Variants in MFSD11 observed in about 807,000 individuals in gnomAD.
The protein encoded by MFSD11 is UNC93-like protein MFSD11.
Under a neutral mutation model 53.5 loss-of-function variants are expected in MFSD11, and 36 were observed. The ratio of observed to expected loss-of-function variants is 0.67; its 90% CI spans 0.52 to 0.89. The LOEUF is 0.89. Ranked by LOEUF, MFSD11 falls within the 40% of genes least tolerant of loss-of-function variation. The pLI, the probability that MFSD11 is intolerant of heterozygous loss-of-function variation, is 0.00. For synonymous variants in MFSD11, 186 were observed against 184.9 expected (o/e 1.01, Z -0.05); for missense variants, 530 against 543.9 (o/e 0.97, Z 0.25).
chr17:76,758,848 C>T (rs542890582), intron 8 of MFSD11, among the ~76,000 whole-genome samples: 6 of 152,212 alleles, frequency 3.9e-5, no homozygotes, highest in African/African-American at 1.4e-4. Context: ...ACCCCTACCC[C>T]CCACACACAG....
chr17:76,749,398 G>A (rs370825425), intron 7 of MFSD11, among the ~76,000 whole-genome samples: 40 of 152,040 alleles, frequency 2.6e-4, no homozygotes, highest in African/African-American at 8.2e-4. Flanking sequence ...GCATGGTGGC[G>A]CATGTCTGTG....
At chr17:76,791,366 T>C in the MFSD11 span, among the ~76,000 whole-genome samples, 2 of 149,510 alleles carry the variant, frequency 1.3e-5, no homozygotes, top group Admixed American at 1.3e-4. Context: ...TTTCCAATTC[T>C]TCAGTCTTTT....
chr17:76,775,117 A>G lies in MFSD11; in HGVS notation c.995A>G (p.Asp332Gly). Residue 332 changes from aspartate (D) to glycine (G), a missense_variant, in exon 11 of 13, where the codon GAT becomes GGT. Coordinates refer to ENST00000685175, the MANE Select transcript of MFSD11 (RefSeq NM_001242532.5). ...CTAATATTTCTCAACATGCCTGGAG[A>G]TGCCCCGATTGCTCCTGTTAAAGGA... ...FYLIFLNMPGDAPIAPVKGTD... is the reference protein window; with the variant it reads ...FYLIFLNMPGGAPIAPVKGTD... 3.1e-6 allele frequency: 5 copies of G among 1,614,058 alleles called. 1 individual carries two copies. In the South Asian group the frequency reaches 5.5e-5, roughly 18 times the overall value.
At chr17:76,795,288 C>T in the MFSD11 span, among the ~76,000 whole-genome samples, 1 of 146,230 alleles carries the variant, frequency 6.8e-6, no homozygotes, top group South Asian at 2.2e-4. Flanking sequence ...TCGAGACCAG[C>T]CTGGCCAACA....
the MFSD11 span, among the ~76,000 whole-genome samples, chr17:76,788,022 G>GTT: frequency 2.9e-3 from 421 of 144,204 alleles, 13 homozygotes; most frequent in African/African-American, 9.6e-3. Context: ...TTTGTTTGTG[G>GTT]TTTTTTTTTT....
chr17:76,751,924 C>T (rs1156270356), intron 7 of MFSD11, among the ~76,000 whole-genome samples: 3 of 152,176 alleles, frequency 2.0e-5, no homozygotes, highest in East Asian at 1.9e-4. Context: ...AGCCAGGCCT[C>T]TGACTCCAAA....
chr17:76,754,581 G>T (rs530320370), intron 8 of MFSD11, among the ~76,000 whole-genome samples: 2 of 151,770 alleles, frequency 1.3e-5, no homozygotes, highest in South Asian at 4.2e-4. Flanking sequence ...CTACTCAGGA[G>T]GCTGAGGCAG....
At chr17:76,751,562 T>C (rs1397960674) in intron 7 of MFSD11, among the ~76,000 whole-genome samples, 1 of 151,522 alleles carries the variant, frequency 6.6e-6, no homozygotes, top group African/African-American at 2.4e-5. Context: ...TCTACAGGCA[T>C]GGTGGTGCAT....
chr17:76,797,126 A>G, the MFSD11 span, among the ~76,000 whole-genome samples: 1 of 152,144 alleles, frequency 6.6e-6, no homozygotes, highest in African/African-American at 2.4e-5. Flanking sequence ...CTGAGATCGC[A>G]CCACTGTACT....
At chr17:76,781,954 T>G (rs528405832), downstream of MFSD11, among the ~76,000 whole-genome samples, 16 of 151,512 alleles carry the variant, frequency 1.1e-4, no homozygotes, top group Non-Finnish European at 2.1e-4. Flanking sequence ...CCCAAGTAGC[T>G]AGGACCACAG....
the MFSD11 span, among the ~76,000 whole-genome samples, chr17:76,789,631 T>A: frequency 6.7e-6 from 1 of 149,966 alleles, no homozygotes; most frequent in Admixed American, 6.7e-5. Context: ...CGACACAGTT[T>A]AACAACTGCC....
intron 2 of MFSD11, among the ~76,000 whole-genome samples, chr17:76,739,317 G>GT (rs2077819729): frequency 6.6e-6 from 1 of 152,172 alleles, no homozygotes; most frequent in African/African-American, 2.4e-5. Flanking sequence ...AAGCACTCTA[G>GT]TATTGTCATG....
chr17:76,762,541 CCTGTA>C (rs1344225167), intron 8 of MFSD11, among the ~76,000 whole-genome samples: 1 of 151,720 alleles, frequency 6.6e-6, no homozygotes, highest in African/African-American at 2.4e-5. Context: ...GTGGCGGGCA[CCTGTA>C]GTCCCAGGCT....
At chr17:76,746,464 C>T (rs1246722596) in intron 7 of MFSD11, among the ~76,000 whole-genome samples, 2 of 152,116 alleles carry the variant, frequency 1.3e-5, no homozygotes, top group African/African-American at 4.8e-5. Context: ...CAATGTAGAC[C>T]AAACAGTCTT....
At chr17:76,742,923 G>C (rs1356243011) in intron 5 of MFSD11, among the ~76,000 whole-genome samples, 1 of 152,190 alleles carries the variant, frequency 6.6e-6, no homozygotes, top group South Asian at 2.1e-4. Context: ...CCTTGACAAG[G>C]CTTAACAAAT....
intron 7 of MFSD11, chr17:76,748,155 G>A (rs1431467966): frequency 6.6e-6 from 1 of 152,390 alleles, no homozygotes; most frequent in Admixed American, 6.5e-5. Flanking sequence ...AGACATGAAG[G>A]TCAGCGGGTG....
chr17:76,738,478 A>C (rs1357180777), intron 1 of MFSD11, 30 bp downstream of exon 1: 1 of 1,503,854 alleles, frequency 6.6e-7, no homozygotes, highest in East Asian at 2.3e-5. Context: ...CCCTCCTTTG[A>C]AGTGCCCATC....
At chr17:76,737,393 C>A, upstream of MFSD11, 1 of 494,498 alleles carries the variant, frequency 2.0e-6, no homozygotes, top group Non-Finnish European at 3.5e-6. Flanking sequence ...GCCCGCGCCA[C>A]CCGGAAATGA....
chr17:76,796,994 C>T, the MFSD11 span, among the ~76,000 whole-genome samples: 3,670 of 151,848 alleles, frequency 0.024, 148 homozygotes, highest in African/African-American at 0.083. Context: ...ATGGTGGAAA[C>T]TCATCTCTAC....
Sources: gnomAD v4.1 joint callset for allele counts (sites outside exome capture counted in the v4.1 genomes callset) on GRCh38, gnomAD v4.1.1 for gene constraint, MANE v1.5 for transcripts, NCBI Gene and HGNC (gene_info 2026-07-23, HGNC 2026-07-21) for gene names.